The following FSHR variants were observed in gnomAD, a reference collection of about 807,000 sequenced individuals.
FSHR encodes the protein follicle-stimulating hormone receptor.
In FSHR, 46 loss-of-function variants were observed where a neutral mutation model predicts 52.1. The ratio of observed to expected loss-of-function variants is 0.88; its 90% CI spans 0.70 to 1.13. FSHR has a LOEUF of 1.13. Ranked by LOEUF, FSHR falls within the 50% of genes most tolerant of loss-of-function variation. The probability of loss-of-function intolerance (pLI) is 0.00; values close to 1 mark genes in which losing one functional copy is unlikely to be tolerated. For synonymous variants in FSHR, 399 were observed against 309.6 expected (o/e 1.29, Z -3.03); for missense variants, 964 against 834.6 (o/e 1.16, Z -1.91).
At chr2:49,031,363 T>G (rs1039274223) in intron 2 of FSHR, among the ~76,000 whole-genome samples, 2 of 152,182 alleles carry the variant, frequency 1.3e-5, no homozygotes, top group African/African-American at 4.8e-5. Context: ...TTTAGAAATT[T>G]TGTTTTGTTT....
intron 2 of FSHR, among the ~76,000 whole-genome samples, chr2:49,060,850 T>A (rs1669263814): frequency 6.6e-6 from 1 of 152,132 alleles, no homozygotes; most frequent in African/African-American, 2.4e-5. Context: ...GCTTTGCCAT[T>A]CTGGGATACT....
chr2:49,030,271 A>AGTGTGTGTGT lies in FSHR; in HGVS notation c.225-10121_225-10112dup, dbSNP rs141079184. 4.8e-3 allele frequency among the ~76,000 whole-genome samples: 674 copies of AGTGTGTGTGT among 140,442 alleles called. 4 individuals are homozygous for AGTGTGTGTGT. Among genetic ancestry groups the AGTGTGTGTGT allele is most frequent in the East Asian group, 0.014 (68 of 4,798 alleles). The allele number at this position is 140,442 out of a possible 152,430, so 92.1% of individuals were successfully genotyped here. A position where few individuals can be genotyped will look rare whatever the true frequency, so the allele number is the denominator to read the frequency against. On this transcript the variant is annotated intron_variant, in intron 2 of 9. Transcript: ENST00000406846. Reference sequence around the variant, plus strand: ...GAGGCTCTTTGCTAAAGGAATAGCAAGTGTGTGTGTGTGTGTGTGTGTGTG... The same window carrying AGTGTGTGTGT: ...GAGGCTCTTTGCTAAAGGAATAGCAAGTGTGTGTGTGTGTGTGTGTGTGTGTGTGTGTGTG...
intron 4 of FSHR, among the ~76,000 whole-genome samples, chr2:49,015,331 C>G (rs1049453082): frequency 6.6e-6 from 1 of 152,188 alleles, no homozygotes; most frequent in African/African-American, 2.4e-5. Flanking sequence ...AGGTCTTAAT[C>G]GGCAGCATAA....
intron 4 of FSHR, among the ~76,000 whole-genome samples, chr2:49,013,306 C>T (rs940414358): frequency 4.6e-5 from 7 of 151,402 alleles, no homozygotes; most frequent in African/African-American, 1.7e-4. Flanking sequence ...GTTATGGTAG[C>T]CCAAGCTAAC....
intron 1 of FSHR, among the ~76,000 whole-genome samples, chr2:49,129,457 G>C (rs1321515379): frequency 1.3e-5 from 2 of 152,196 alleles, no homozygotes; most frequent in Non-Finnish European, 2.9e-5. Flanking sequence ...TTCTGATTCT[G>C]ATAGGATGAT....
rs59789081 is a variant in FSHR, at chr2:48,964,068, A to AT, written c.855-103dup. 50,564 of 908,666 alleles carry AT rather than the reference A, an allele frequency of 0.056. 886 individuals are homozygous for AT. The highest frequency in any genetic ancestry group is 0.2 in the African/African-American group (11,942 of 58,760). 56.3% of individuals were successfully genotyped at this position (908,666 alleles called of 1,614,324 possible). ...TAGAAATGATGAGTTTCTTCCTGAGATTTTTTTTTTTTCTTCTCACATCAT... is the reference window on the plus strand; with the variant it reads ...TAGAAATGATGAGTTTCTTCCTGAGATTTTTTTTTTTTTCTTCTCACATCAT... On this transcript the variant is annotated intron_variant, in intron 9 of 9. Transcript: ENST00000406846.
intron 1 of FSHR, among the ~76,000 whole-genome samples, chr2:49,095,557 T>G (rs1670793866): frequency 6.6e-6 from 1 of 152,192 alleles, no homozygotes; most frequent in Non-Finnish European, 1.5e-5. Context: ...ATATGTGACC[T>G]TGGATTAGTC....
intron 1 of FSHR, among the ~76,000 whole-genome samples, chr2:49,133,374 G>T (rs1292966028): frequency 6.6e-6 from 1 of 151,924 alleles, no homozygotes; most frequent in East Asian, 1.9e-4. Context: ...AAGATCTCAA[G>T]CTACAAACCA....
At chr2:49,148,067 G>T (rs546903935) in intron 1 of FSHR, among the ~76,000 whole-genome samples, 1 of 151,990 alleles carries the variant, frequency 6.6e-6, no homozygotes, top group Admixed American at 6.6e-5. Context: ...GACCTTAATT[G>T]GCAAAAATTA....
Position 49,051,062 on chromosome 2 carries a change from G to T in FSHR, c.224+17157C>A, listed in dbSNP as rs569534975. Among the ~76,000 whole-genome samples, 5 of 152,066 alleles carry T rather than the reference G, an allele frequency of 3.3e-5. No homozygotes were observed. In the South Asian group the frequency reaches 1.0e-3, roughly 32 times the overall value. On this transcript the variant is annotated intron_variant, in intron 2 of 9. Coordinates refer to ENST00000406846, the MANE Select transcript of FSHR (RefSeq NM_000145.4). ...TTTATCCATGTTGTTTTACATATTA[G>T]CAGTGTATTCTTTTTTATTACTGCT...
intron 2 of FSHR, among the ~76,000 whole-genome samples, chr2:49,062,081 ACGT>A (rs1669333483): frequency 6.6e-6 from 1 of 151,902 alleles, no homozygotes; most frequent in Non-Finnish European, 1.5e-5. Flanking sequence ...CATTTACAGA[ACGT>A]TTCATCCAAC....
At chr2:49,027,374 TTATGTATATAA>T (rs1667943224) in intron 2 of FSHR, among the ~76,000 whole-genome samples, 2 of 152,142 alleles carry the variant, frequency 1.3e-5, no homozygotes, top group South Asian at 4.1e-4. Flanking sequence ...AGATTTAAGT[TTATGTATATAA>T]TATGCAAGAC....
chr2:49,008,474 C>T (rs1422242255), intron 4 of FSHR, among the ~76,000 whole-genome samples: 1 of 151,966 alleles, frequency 6.6e-6, no homozygotes, highest in Non-Finnish European at 1.5e-5. Context: ...GTGAATAATG[C>T]CGCAATAAAC....
At chr2:48,993,489 C>G (rs1675876794) in intron 4 of FSHR, among the ~76,000 whole-genome samples, 1 of 152,080 alleles carries the variant, frequency 6.6e-6, no homozygotes, top group Non-Finnish European at 1.5e-5. Flanking sequence ...GCAATTTTGC[C>G]TATCTCCACT....
chr2:49,146,326 C>G (rs897590122), intron 1 of FSHR, among the ~76,000 whole-genome samples: 2 of 152,014 alleles, frequency 1.3e-5, no homozygotes, highest in African/African-American at 4.8e-5. Context: ...GTCTAGTGCT[C>G]AAGGATGTGG....
chr2:49,139,849 C>T (rs1249760402), intron 1 of FSHR, among the ~76,000 whole-genome samples: 1 of 152,196 alleles, frequency 6.6e-6, no homozygotes, highest in South Asian at 2.1e-4. Context: ...CAGCCTGCCT[C>T]GGCCTCCCAA....
intron 4 of FSHR, among the ~76,000 whole-genome samples, chr2:49,001,149 T>C (rs986647569): frequency 6.6e-6 from 1 of 152,122 alleles, no homozygotes; most frequent in South Asian, 2.1e-4. Context: ...GAAATAATAA[T>C]GGTTAATACT....
At chr2:49,038,841 A>G (rs1414602440) in intron 2 of FSHR, among the ~76,000 whole-genome samples, 1 of 151,998 alleles carries the variant, frequency 6.6e-6, no homozygotes, top group Non-Finnish European at 1.5e-5. Flanking sequence ...TATTTTTAAG[A>G]ATTATAAAGT....
At chr2:49,143,316 C>T (rs1269908457) in intron 1 of FSHR, among the ~76,000 whole-genome samples, 1 of 152,118 alleles carries the variant, frequency 6.6e-6, no homozygotes, top group African/African-American at 2.4e-5. Flanking sequence ...ATGGAGTGTT[C>T]CTGAGAGGTG....
Sources: gnomAD v4.1 joint callset for allele counts (sites outside exome capture counted in the v4.1 genomes callset) on GRCh38, gnomAD v4.1.1 for gene constraint, MANE v1.5 for transcripts, NCBI Gene and HGNC (gene_info 2026-07-23, HGNC 2026-07-21) for gene names.